Variants in OPN5 observed in about 807,000 individuals in gnomAD.
The protein encoded by OPN5 is opsin-5.
In OPN5, 18 loss-of-function variants were observed where a neutral mutation model predicts 41.7. The observed-to-expected ratio is 0.43, with a 90% confidence interval of 0.30 to 0.64. The LOEUF (loss-of-function observed/expected upper bound fraction) is 0.64, where lower values mean the gene tolerates loss of function less well. Among genes scored for constraint, OPN5 ranks in the 30% least tolerant of loss-of-function variants. The probability of loss-of-function intolerance (pLI) is 0.13; values close to 1 mark genes in which losing one functional copy is unlikely to be tolerated. For synonymous variants in OPN5, 178 were observed against 164.3 expected, an observed-to-expected ratio of 1.08 and a Z score of -0.64; for missense variants, 318 against 434.5, an observed-to-expected ratio of 0.73 and a Z score of 2.38.
chr6:47,822,161 A>G (rs1180307906), intron 6 of OPN5, among the ~76,000 whole-genome samples: 1 of 151,834 alleles, frequency 6.6e-6, no homozygotes, highest in East Asian at 1.9e-4. Context: ...TGACTCTTAT[A>G]CACTCCACAG....
intron 3 of OPN5, among the ~76,000 whole-genome samples, chr6:47,792,875 T>A (rs1055446707): frequency 1.3e-5 from 2 of 152,066 alleles, no homozygotes; most frequent in Non-Finnish European, 2.9e-5. Context: ...GTGGTAGAAT[T>A]TCCCTTTGTA....
At chr6:47,784,290 T>C (rs1261366132) in intron 1 of OPN5, among the ~76,000 whole-genome samples, 1 of 111,586 alleles carries the variant, frequency 9.0e-6, no homozygotes, top group Non-Finnish European at 1.8e-5. Flanking sequence ...CTAGTGTAGA[T>C]GTTGCAAGAT....
chr6:47,790,216 A>G (rs959835738), intron 2 of OPN5, among the ~76,000 whole-genome samples: 8 of 152,246 alleles, frequency 5.3e-5, no homozygotes, highest in Non-Finnish European at 1.0e-4. Flanking sequence ...AAATTCCTAA[A>G]CAATTTTTTT....
intron 6 of OPN5, among the ~76,000 whole-genome samples, chr6:47,813,196 G>C (rs1443785023): frequency 6.6e-6 from 1 of 152,154 alleles, no homozygotes; most frequent in Non-Finnish European, 1.5e-5. Flanking sequence ...AGAATAGAGA[G>C]GCAAGGAACT....
chr6:47,786,766 A>G (rs1051579255), intron 2 of OPN5, 132 bp downstream of exon 2: 1 of 746,594 alleles, frequency 1.3e-6, no homozygotes, highest in Non-Finnish European at 2.1e-6. Flanking sequence ...TCACAAATCA[A>G]CTTTCAGAGT....
chr6:47,800,161 C>T (rs1182012058), intron 4 of OPN5, among the ~76,000 whole-genome samples: 1 of 152,176 alleles, frequency 6.6e-6, no homozygotes, highest in Non-Finnish European at 1.5e-5. Flanking sequence ...TTCCTGCCTG[C>T]TGCACAAAGA....
In OPN5 at chr6:47,811,172, G is replaced by T. The variant is rs113058428; in HGVS notation, c.999-502G>T. Among the ~76,000 whole-genome samples, 4 of 152,244 alleles carry T rather than the reference G, an allele frequency of 2.6e-5. No homozygotes were observed. The South Asian group carries it at 8.3e-4, about 32-fold the overall frequency. The stretch of plus-strand genomic sequence containing the variant: ...TCAAATGGAGAAGAAATGTTCAAAA[G>T]GCACTGGGGGTTCGAACATTTGATT... On this transcript the variant is annotated intron_variant, in intron 5 of 6. Transcript: ENST00000371211.
chr6:47,824,139 A>G (rs747996662), exon 7 of OPN5: 8 of 681,104 alleles, frequency 1.2e-5, no homozygotes, highest in African/African-American at 1.8e-5. Context: ...AAGGAATATC[A>G]AAACAATGAT....
At chr6:47,788,048 G>T (rs951533063) in intron 2 of OPN5, among the ~76,000 whole-genome samples, 1 of 152,204 alleles carries the variant, frequency 6.6e-6, no homozygotes, top group Non-Finnish European at 1.5e-5. Flanking sequence ...GGATGGTCTT[G>T]GTTATCTGGG....
intron 3 of OPN5, chr6:47,793,705 A>G: frequency 2.5e-6 from 1 of 393,836 alleles, no homozygotes; most frequent in Non-Finnish European, 3.5e-6. Flanking sequence ...TGACTTCTGG[A>G]GCAACACAGA....
intron 2 of OPN5, among the ~76,000 whole-genome samples, chr6:47,788,826 T>G (rs1306968476): frequency 4.1e-5 from 6 of 146,630 alleles, no homozygotes; most frequent in African/African-American, 7.6e-5. Flanking sequence ...GGTGGTGGTG[T>G]TAAAAATATG....
At chr6:47,798,549 T>C (rs1274249294) in intron 4 of OPN5, among the ~76,000 whole-genome samples, 2 of 150,996 alleles carry the variant, frequency 1.3e-5, no homozygotes, top group African/African-American at 2.4e-5. Context: ...GTATATTCTT[T>C]TAATTTATAT....
chr6:47,792,830 G>A (rs1007223238), intron 3 of OPN5, among the ~76,000 whole-genome samples: 8 of 152,082 alleles, frequency 5.3e-5, no homozygotes, highest in Non-Finnish European at 1.0e-4. Context: ...TGGAGACTGA[G>A]GTGGGAAAAA....
At chr6:47,812,916 C>T (rs1581755083) in intron 6 of OPN5, among the ~76,000 whole-genome samples, 1 of 152,174 alleles carries the variant, frequency 6.6e-6, no homozygotes, top group East Asian at 1.9e-4. Context: ...GAATCATACC[C>T]TCCTCCAAGG....
chr6:47,787,297 G>A (rs895151547), intron 2 of OPN5: 2 of 349,786 alleles, frequency 5.7e-6, no homozygotes, highest in Non-Finnish European at 8.0e-6. Context: ...GTTAATGTGT[G>A]GCCAAAATTG....
At chr6:47,815,375 C>T (rs1762399293) in intron 6 of OPN5, among the ~76,000 whole-genome samples, 1 of 151,926 alleles carries the variant, frequency 6.6e-6, no homozygotes, top group Non-Finnish European at 1.5e-5. Context: ...TAAGTTAGTG[C>T]AAATGAGGGA....
chr6:47,805,639 G>A (rs1169736185), intron 4 of OPN5, among the ~76,000 whole-genome samples: 1 of 152,096 alleles, frequency 6.6e-6, no homozygotes, highest in East Asian at 1.9e-4. Flanking sequence ...ACCATTTCCT[G>A]CCTACCGCTA....
intron 1 of OPN5, among the ~76,000 whole-genome samples, chr6:47,785,133 G>A (rs1450217141): frequency 6.6e-6 from 1 of 152,136 alleles, no homozygotes; most frequent in African/African-American, 2.4e-5. Flanking sequence ...GTGTTTCAAT[G>A]AGCCTTGTGT....
At chr6:47,798,726 A>G (rs1418118002) in intron 4 of OPN5, among the ~76,000 whole-genome samples, 1 of 152,096 alleles carries the variant, frequency 6.6e-6, no homozygotes, top group Non-Finnish European at 1.5e-5. Flanking sequence ...AAACATAACT[A>G]CTGTGACATC....
Sources: allele counts gnomAD v4.1 joint callset (sites outside exome capture counted in the v4.1 genomes callset), GRCh38; gene constraint gnomAD v4.1.1; transcripts MANE v1.5; gene names NCBI Gene and HGNC (gene_info 2026-07-23, HGNC 2026-07-21).